DNAH17: variants seen among roughly 807,000 people sequenced by gnomAD.
The protein encoded by DNAH17 is axonemal beta dynein heavy chain 17.
Under a neutral mutation model 485.6 loss-of-function variants are expected in DNAH17, and 376 were observed. The ratio of observed to expected loss-of-function variants is 0.77; its 90% confidence interval spans 0.71 to 0.84. DNAH17 has a LOEUF of 0.84. Among genes scored for constraint, DNAH17 ranks in the 40% least tolerant of loss-of-function variants. The pLI, the probability that DNAH17 is intolerant of heterozygous loss-of-function variation, is 0.00. For synonymous variants in DNAH17, 3,031 were observed against 2,405.9 expected (o/e 1.26, Z -7.60); for missense variants, 6,370 against 5,839.3 (o/e 1.09, Z -2.96).
At chr17:78,491,335 C>T (rs186244691) in intron 43 of DNAH17, 108 bp downstream of exon 43, 41 of 1,459,144 alleles carry the variant, frequency 2.8e-5, no homozygotes, top group Non-Finnish European at 3.4e-5. Flanking sequence ...ACGCCACCTG[C>T]GCCAAGCCTG....
In DNAH17 at chr17:78,490,690, C is replaced by G. The variant is rs565218422; in HGVS notation, c.6818+9G>C. On this transcript the variant is annotated intron_variant, in intron 44 of 80. Coordinates refer to ENST00000389840, the MANE Select transcript of DNAH17 (RefSeq NM_173628.4). ...AGGTTTGGAACAGGAAAGCCAAAGC[C>G]CCACTCACGGGTTCCATCCCAGGTC... The G allele has an allele frequency of 3.7e-6, 6 of 1,602,314 alleles. No individual in the cohort carries two copies. Among genetic ancestry groups the G allele is most frequent in the South Asian group, 1.1e-5 (1 of 89,290 alleles).
In DNAH17 at chr17:78,482,580, G is replaced by A. The variant is rs543566791; in HGVS notation, c.7650-1794C>T. ...GTGTGCCTCTGAAACTTTTGCCTGC[G>A]CAGTCCTCTCCTGTGCACACTTCTC... On this transcript the variant is annotated intron_variant, in intron 48 of 80. Transcript: ENST00000389840. 1.3e-3 allele frequency among the ~76,000 whole-genome samples: 201 copies of A among 152,054 alleles called. 1 individual carries two copies. The highest frequency in any genetic ancestry group is 5.8e-3 in the South Asian group (28 of 4,812).
intron 48 of DNAH17, among the ~76,000 whole-genome samples, chr17:78,482,085 T>C (rs1259288293): frequency 2.1e-5 from 3 of 144,944 alleles, no homozygotes; most frequent in Non-Finnish European, 4.4e-5. Flanking sequence ...TTTTTTTTTT[T>C]TTTTTCCCCC....
chr17:78,469,915 G>A (rs1018303960), intron 54 of DNAH17, among the ~76,000 whole-genome samples: 8 of 152,124 alleles, frequency 5.3e-5, no homozygotes, highest in African/African-American at 1.9e-4. Context: ...CCAGGGGCGG[G>A]GCTGGGGGAA....
chr17:78,449,779 GC>G, intron 68 of DNAH17, 195 bp from the exon 69 acceptor site: 2 of 576,012 alleles, frequency 3.5e-6, no homozygotes, highest in Non-Finnish European at 6.1e-6. Flanking sequence ...GAGGGAGGTT[GC>G]AGTGTTCAAG....
intron 48 of DNAH17, among the ~76,000 whole-genome samples, chr17:78,484,334 C>G (rs188211973): frequency 2.6e-5 from 4 of 151,992 alleles, no homozygotes; most frequent in African/African-American, 9.7e-5. Context: ...AGGGCATTTA[C>G]ACGTGGCAAT....
At chr17:78,475,857 A>G (rs375628369) in intron 52 of DNAH17, 24 bp from the exon 53 acceptor site, 7 of 1,605,926 alleles carry the variant, frequency 4.4e-6, no homozygotes, top group South Asian at 2.2e-5. Context: ...AAAAAAGACG[A>G]TACTTCCGGT....
chr17:78,570,499 G>T, intron 6 of DNAH17, 127 bp from the exon 7 acceptor site: 1 of 1,255,094 alleles, frequency 8.0e-7, no homozygotes, highest in Non-Finnish European at 1.1e-6. Flanking sequence ...GAGGAGGGGA[G>T]AGGCAACTCC....
intron 25 of DNAH17, among the ~76,000 whole-genome samples, chr17:78,524,797 C>T (rs2091021690): frequency 6.6e-6 from 1 of 152,202 alleles, no homozygotes; most frequent in Admixed American, 6.5e-5. Context: ...GGCGAGCCCC[C>T]ACCCACATAC....
In DNAH17 at chr17:78,558,241, A is replaced by G; in HGVS notation, c.2045T>C (p.Leu682Pro). ...GAAATTCAAATACTTGACTTCTCTC[A>G]GAACTGCCACCAACTAAATGACAAA... ...VNFSKALVAV[L>P]REVKYLNFQQ... Residue 682 changes from leucine to proline, a missense_variant, in exon 14 of 81, where the codon CTG becomes CCG. Physicochemically the swap from Leu to Pro is moderately conservative, Grantham distance 98. Transcript: ENST00000389840. The G allele has an allele frequency of 6.2e-7, 1 of 1,613,672 alleles. No homozygotes were observed. Among genetic ancestry groups the G allele is most frequent in the Non-Finnish European group, 8.5e-7 (1 of 1,179,744 alleles).
At chr17:78,467,415 ACTG>A (rs2088523700) in intron 55 of DNAH17, among the ~76,000 whole-genome samples, 1 of 152,188 alleles carries the variant, frequency 6.6e-6, no homozygotes, top group African/African-American at 2.4e-5. Flanking sequence ...TGCACCCCTC[ACTG>A]CGTGATGACG....
rs1598452709 is a variant in DNAH17 at position 78,441,033 on chromosome 17, C to T, written c.11677+18G>A. The T allele has an allele frequency of 6.4e-7, 1 of 1,562,128 alleles. No individual in the cohort carries two copies. The highest frequency in any genetic ancestry group is 8.7e-7 in the Non-Finnish European group (1 of 1,152,392). ...CAATACTCCGTCTTTGAGAACATCA[C>T]TTGCCTGCTACACTTACCCAGGGCT... On this transcript the variant is annotated intron_variant, in intron 72 of 80. Transcript: ENST00000389840.
chr17:78,459,915 A>C lies in DNAH17; in HGVS notation c.9522T>G (p.Pro3174=). 1 of 1,614,010 alleles carries C rather than the reference A, an allele frequency of 6.2e-7. No individual in the cohort carries two copies. The highest frequency in any genetic ancestry group is 8.5e-7 in the Non-Finnish European group (1 of 1,179,888). The change falls in exon 60 of 81, where the codon CCT becomes CCG. Residue 3174 remains proline, a synonymous_variant. Transcript: ENST00000389840. ...TCTTGTCCTTGGGGATCTTGCCCCCAGGTGCGGTCAGAATCATGACGGCGG... is the reference window on the plus strand; with the variant it reads ...TCTTGTCCTTGGGGATCTTGCCCCCCGGTGCGGTCAGAATCATGACGGCGG... The part of the protein sequence containing the change: ...VTAAVMILTA[P]GGKIPKDKSW...
chr17:78,560,292 C>G lies in DNAH17; in HGVS notation c.2031+448G>C, dbSNP rs368606759. Among the ~76,000 whole-genome samples, 42 of 152,306 alleles carry G rather than the reference C, an allele frequency of 2.8e-4. No individual in the cohort carries two copies. The East Asian group carries it at 7.7e-3, about 28-fold the overall frequency. ...AAGAGCCGCATCTCTGGTTTCCCTGCCTTGCCACGTGCAGATTGGGCAGCT... is the reference window on the plus strand; with the variant it reads ...AAGAGCCGCATCTCTGGTTTCCCTGGCTTGCCACGTGCAGATTGGGCAGCT... On this transcript the variant is annotated intron_variant, in intron 13 of 80. Coordinates refer to ENST00000389840, the MANE Select transcript of DNAH17 (RefSeq NM_173628.4).
rs765150307 is a variant in DNAH17 at position 78,425,401 on chromosome 17, C to T, written c.13086G>A (p.Glu4362=). 2.5e-6 allele frequency: 4 copies of T among 1,613,902 alleles called. No homozygotes were observed. The highest frequency in any genetic ancestry group is 3.3e-5 in the Admixed American group (2 of 59,996). Residue 4362 remains glutamate (E), a synonymous_variant, in exon 80 of 81, where the codon GAG becomes GAA. Coordinates refer to ENST00000389840, the MANE Select transcript of DNAH17 (RefSeq NM_173628.4). ...LSVEVTKKNR[E]DMTAPPREGS... is the part of the protein sequence containing the mutation. ...CCTCTCGCGGAGGAGCGGTCATGTC[C>T]TCTCGGTTTTTCTTGGTCACCTCGA...
chr17:78,460,271 G>T lies in DNAH17; in HGVS notation c.9340-14C>A. On this transcript the variant is annotated splice_polypyrimidine_tract_variant and intron_variant, in intron 58 of 80. Coordinates refer to ENST00000389840, the MANE Select transcript of DNAH17 (RefSeq NM_173628.4). Reference sequence around the variant, plus strand: ...CTCAGTGACGTTCTGGAAGGAAGATGGACAGGAGAGGTTACTGCAGGCCTG... The same window carrying T: ...CTCAGTGACGTTCTGGAAGGAAGATTGACAGGAGAGGTTACTGCAGGCCTG... The T allele has an allele frequency of 1.3e-6, 2 of 1,574,450 alleles. No individual in the cohort carries two copies. The highest frequency in any genetic ancestry group is 2.3e-5 in the South Asian group (2 of 86,000).
At chr17:78,430,351 T>C (rs1439448426) in intron 75 of DNAH17, among the ~76,000 whole-genome samples, 1 of 152,208 alleles carries the variant, frequency 6.6e-6, no homozygotes, top group African/African-American at 2.4e-5. Flanking sequence ...ACCCAGCATG[T>C]GAAATCCTGC....
At chr17:78,572,666 C>A in intron 3 of DNAH17, 35 bp downstream of exon 3, 1 of 1,550,158 alleles carries the variant, frequency 6.5e-7, no homozygotes, top group Non-Finnish European at 8.7e-7. Flanking sequence ...CTCTTCCCCA[C>A]CCAGCGGCAG....
Position 78,553,283 on chromosome 17 carries a change from G to GTTTTTTTTTTTTTTTTTTTT in DNAH17, c.2179-498_2179-479dup, listed in dbSNP as rs60587420. ...AAATTACCCAGTCCCAGGTTTTTGT[G>GTTTTTTTTTTTTTTTTTTTT]TTTTTTTTTTTTTTTTTTTTTTTTT... is the stretch of plus-strand genomic sequence containing the variant. On this transcript the variant is annotated intron_variant, in intron 14 of 80. Transcript: ENST00000389840. Among the ~76,000 whole-genome samples, 20 of 51,032 alleles carry GTTTTTTTTTTTTTTTTTTTT rather than the reference G, an allele frequency of 3.9e-4. 5 individuals are homozygous for GTTTTTTTTTTTTTTTTTTTT. The highest frequency in any genetic ancestry group is 4.2e-4 in the Non-Finnish European group (12 of 28,884). The allele number at this position is 51,032 out of a possible 152,430, so 33.5% of individuals were successfully genotyped here.
Sources: gnomAD v4.1 joint callset for allele counts (sites outside exome capture counted in the v4.1 genomes callset) on GRCh38, gnomAD v4.1.1 for gene constraint, MANE v1.5 for transcripts, NCBI Gene and HGNC (gene_info 2026-07-23, HGNC 2026-07-21) for gene names.